TBC1D30: variants seen among roughly 807,000 people sequenced by gnomAD.
The protein encoded by TBC1D30 is TBC1 domain family member 30, also known as TBC1 domain family, member 30.
A neutral mutation model predicts 63.2 loss-of-function variants in TBC1D30; 31 were observed. That is an observed-to-expected ratio of 0.49 (90% CI 0.37 to 0.66). TBC1D30 has a LOEUF of 0.66. Among genes scored for constraint, TBC1D30 ranks in the 30% least tolerant of loss-of-function variants. The pLI is 0.00. For synonymous variants in TBC1D30, 307 were observed against 361.5 expected (o/e 0.85, Z 1.71); for missense variants, 810 against 953.6 (o/e 0.85, Z 1.98).
Position 64,838,596 on chromosome 12 carries a change from A to G in TBC1D30, c.764-87A>G, listed in dbSNP as rs1255885734. The G allele has an allele frequency of 4.7e-6, 6 of 1,273,356 alleles. No homozygotes were observed. The African/African-American group carries it at 9.0e-5, about 19-fold the overall frequency. 78.9% of individuals were successfully genotyped at this position (1,273,356 alleles called of 1,614,324 possible). A position where few individuals can be genotyped will look rare whatever the true frequency, so the allele number is the denominator to read the frequency against. ...TCAGTCAGGAAATACAACAAATTTG[A>G]GTGGACATGGAAGACTAGAAAAGGG... On this transcript the variant is annotated intron_variant, in intron 6 of 11. Transcript: ENST00000539867.
chr12:64,812,579 T>C (rs1224287179), intron 2 of TBC1D30, among the ~76,000 whole-genome samples: 2 of 152,154 alleles, frequency 1.3e-5, no homozygotes, highest in African/African-American at 4.8e-5. Flanking sequence ...ATAATGAAAA[T>C]GTATTCAAGA....
intron 1 of TBC1D30, among the ~76,000 whole-genome samples, chr12:64,775,112 TATATAG>T (rs1187100234): frequency 1.9e-4 from 28 of 149,780 alleles, no homozygotes; most frequent in African/African-American, 4.9e-4. Flanking sequence ...AAAATATATA[TATATAG>T]ATATAGATAT....
intron 2 of TBC1D30, among the ~76,000 whole-genome samples, chr12:64,819,485 C>T (rs566737930): frequency 2.8e-3 from 387 of 140,706 alleles, no homozygotes; most frequent in Non-Finnish European, 4.4e-3. Flanking sequence ...GGCATGATCT[C>T]GGCTCACTGC....
At chr12:64,791,571 G>A (rs1340324038) in intron 2 of TBC1D30, among the ~76,000 whole-genome samples, 1 of 152,114 alleles carries the variant, frequency 6.6e-6, no homozygotes, top group Non-Finnish European at 1.5e-5. Context: ...CTGGAATGCA[G>A]TGGTGTGATC....
intron 2 of TBC1D30, among the ~76,000 whole-genome samples, chr12:64,813,119 G>A (rs925065624): frequency 1.3e-5 from 2 of 152,154 alleles, no homozygotes; most frequent in African/African-American, 4.8e-5. Context: ...GTTGGACATG[G>A]TGGTTCAAGC....
At chr12:64,786,581 T>G (rs555204162) in intron 2 of TBC1D30, among the ~76,000 whole-genome samples, 22 of 152,234 alleles carry the variant, frequency 1.4e-4, no homozygotes, top group African/African-American at 4.3e-4. Flanking sequence ...TCTCAGGTGA[T>G]TCACCCTTCT....
chr12:64,826,800 C>T (rs563937171), intron 1 of TBC1D30, among the ~76,000 whole-genome samples: 11 of 152,200 alleles, frequency 7.2e-5, no homozygotes, highest in African/African-American at 2.2e-4. Context: ...AAACCTAGGA[C>T]CCAACTCAGG....
chr12:64,793,372 G>T (rs1377843253), intron 2 of TBC1D30, among the ~76,000 whole-genome samples: 1 of 151,558 alleles, frequency 6.6e-6, no homozygotes, highest in Non-Finnish European at 1.5e-5. Flanking sequence ...TAGGCAGGGC[G>T]CAATGGCTCA....
intron 7 of TBC1D30, 56 bp from the exon 8 acceptor site, chr12:64,843,324 G>C: frequency 7.0e-7 from 1 of 1,436,724 alleles, no homozygotes; most frequent in Non-Finnish European, 9.5e-7. Flanking sequence ...AGCATGTACT[G>C]TTACACAGCA....
intron 6 of TBC1D30, among the ~76,000 whole-genome samples, chr12:64,837,081 CTATT>C (rs1399015626): frequency 1.3e-5 from 2 of 152,186 alleles, no homozygotes; most frequent in Non-Finnish European, 2.9e-5. Flanking sequence ...CCGCTGCTAT[CTATT>C]GGGCATCATC....
chr12:64,778,176 C>A (rs1054537557), upstream of TBC1D30, among the ~76,000 whole-genome samples: 1 of 152,160 alleles, frequency 6.6e-6, no homozygotes, highest in African/African-American at 2.4e-5. Context: ...AATACCGCTT[C>A]TAGGATTATA....
At chr12:64,839,002 T>G (rs1875609221) in intron 7 of TBC1D30, among the ~76,000 whole-genome samples, 151 bp downstream of exon 7, 1 of 152,240 alleles carries the variant, frequency 6.6e-6, no homozygotes, top group Non-Finnish European at 1.5e-5. Context: ...GCAGGCTCAT[T>G]GCTGGCACAT....
In TBC1D30 at chr12:64,856,601, C is replaced by T. The variant is rs187381471; in HGVS notation, c.1039-8067C>T. 2.4e-3 allele frequency among the ~76,000 whole-genome samples: 372 copies of T among 152,344 alleles called. 1 individual carries two copies. Among genetic ancestry groups the T allele is most frequent in the African/African-American group, 8.3e-3 (346 of 41,588 alleles). On this transcript the variant is annotated intron_variant, in intron 8 of 11. Transcript: ENST00000539867. ...GGTGATGCAAACACCCCTGTGGCCA[C>T]TACCACTGGGACTGTGTTGGGTCAG...
chr12:64,823,015 A>G (rs111809853), upstream of TBC1D30, among the ~76,000 whole-genome samples: 400 of 152,024 alleles, frequency 2.6e-3, 2 homozygotes, highest in African/African-American at 9.2e-3. Flanking sequence ...TTCTAAACCT[A>G]TTCAATGAAT....
intron 2 of TBC1D30, among the ~76,000 whole-genome samples, chr12:64,793,032 T>G (rs1872022785): frequency 6.6e-6 from 1 of 152,054 alleles, no homozygotes; most frequent in Non-Finnish European, 1.5e-5. Context: ...CATGGTGAGC[T>G]TTGAATAAAA....
At chr12:64,771,306 T>C (rs1245215787) in intron 1 of TBC1D30, among the ~76,000 whole-genome samples, 1 of 151,988 alleles carries the variant, frequency 6.6e-6, no homozygotes, top group African/African-American at 2.4e-5. Context: ...TAGCAGGAAT[T>C]ACACACCATT....
intron 1 of TBC1D30, among the ~76,000 whole-genome samples, chr12:64,785,242 C>T (rs1200534616): frequency 1.3e-5 from 2 of 150,954 alleles, no homozygotes; most frequent in African/African-American, 2.4e-5. Context: ...GCCTCCTCCT[C>T]TCGGGTTCAA....
At chr12:64,831,986 A>G in intron 4 of TBC1D30, 133 bp from the exon 5 acceptor site, 1 of 800,090 alleles carries the variant, frequency 1.2e-6, no homozygotes, top group South Asian at 3.1e-5. Flanking sequence ...GCTCATATGT[A>G]TAAAAACATA....
chr12:64,819,447 G>A (rs375033921), intron 2 of TBC1D30, among the ~76,000 whole-genome samples: 2 of 117,254 alleles, frequency 1.7e-5, no homozygotes, highest in African/African-American at 6.5e-5. Context: ...ATGGAGTCTC[G>A]CTCTGTCACC....
Sources: gnomAD v4.1 joint callset for allele counts (sites outside exome capture counted in the v4.1 genomes callset) on GRCh38, gnomAD v4.1.1 for gene constraint, MANE v1.5 for transcripts, NCBI Gene and HGNC (gene_info 2026-07-23, HGNC 2026-07-21) for gene names.